FUT9: variants seen among roughly 807,000 people sequenced by gnomAD.
FUT9 encodes fucosyltransferase 9, also known as 4-galactosyl-N-acetylglucosaminide 3-alpha-L-fucosyltransferase 9.
Under a neutral mutation model 29.7 loss-of-function variants are expected in FUT9, and 15 were observed. The observed-to-expected ratio is 0.51, with a 90% CI of 0.34 to 0.78. The LOEUF is 0.78. Among genes scored for constraint, FUT9 ranks in the 30% least tolerant of loss-of-function variants. FUT9 has a pLI of 0.01. For synonymous variants in FUT9, 169 were observed against 153.7 expected, an observed-to-expected ratio of 1.10 and a Z score of -0.74; for missense variants, 319 against 425.4, an observed-to-expected ratio of 0.75 and a Z score of 2.20.
intron 1 of FUT9, chr6:96,037,080 G>T (rs527252967): frequency 6.6e-6 from 1 of 152,042 alleles, no homozygotes; most frequent in African/African-American, 2.4e-5. Flanking sequence ...TTATCCACAG[G>T]TTTTAGGATT....
chr6:96,073,019 G>T lies in FUT9; in HGVS notation c.-97-41020G>T, dbSNP rs1015461190. On this transcript the variant is annotated intron_variant, in intron 1 of 2. Transcript: ENST00000302103. The stretch of plus-strand genomic sequence containing the variant: ...TCCATCTAGCTGGAGAGATACACAT[G>T]AACAAACAATCAGAAAACAGAACAA... 3.9e-5 allele frequency among the ~76,000 whole-genome samples: 6 copies of T among 152,164 alleles called. 1 individual carries two copies. Among genetic ancestry groups the T allele is most frequent in the Non-Finnish European group, 8.8e-5 (6 of 68,028 alleles).
At chr6:96,136,302 GC>G (rs1262988541) in intron 2 of FUT9, among the ~76,000 whole-genome samples, 2 of 151,800 alleles carry the variant, frequency 1.3e-5, no homozygotes, top group Non-Finnish European at 2.9e-5. Context: ...TTAGCTTTGA[GC>G]ATGATATGTT....
chr6:96,088,153 T>C (rs1256033550), intron 1 of FUT9, among the ~76,000 whole-genome samples: 1 of 152,038 alleles, frequency 6.6e-6, no homozygotes, highest in Non-Finnish European at 1.5e-5. Flanking sequence ...GACAAGTTGA[T>C]GGATGCAGCA....
chr6:96,105,060 T>G (rs1771653396), intron 1 of FUT9, among the ~76,000 whole-genome samples: 1 of 152,204 alleles, frequency 6.6e-6, no homozygotes, highest in Non-Finnish European at 1.5e-5. Flanking sequence ...CTCACGCCTC[T>G]AAGGAATAAG....
At chr6:96,076,337 G>T (rs1422098482) in intron 1 of FUT9, among the ~76,000 whole-genome samples, 2 of 152,186 alleles carry the variant, frequency 1.3e-5, no homozygotes, top group Non-Finnish European at 2.9e-5. Context: ...AAGTTCACTT[G>T]ATAGACAGCC....
Position 96,214,619 on chromosome 6 carries a change from C to T in FUT9, c.*10384C>T, listed in dbSNP as rs1774001891. 6.0e-6 allele frequency: 1 copy of T among 166,814 alleles called. No homozygotes were observed. Among genetic ancestry groups the T allele is most frequent in the Non-Finnish European group, 1.5e-5 (1 of 68,026 alleles). 10.3% of individuals were successfully genotyped at this position (166,814 alleles called of 1,614,324 possible). A position where few individuals can be genotyped will look rare whatever the true frequency, so the allele number is the denominator to read the frequency against. ...TTTTCTCTTTTATTCAGAAAACATA[C>T]CTGTGCTTTTGAAAGGGCTTAATCC... is the stretch of plus-strand genomic sequence containing the variant. On this transcript the variant is annotated 3_prime_UTR_variant, in exon 3 of 3. Transcript: ENST00000302103.
intron 1 of FUT9, among the ~76,000 whole-genome samples, chr6:96,092,298 A>C (rs1488306832): frequency 6.6e-6 from 1 of 152,186 alleles, no homozygotes; most frequent in East Asian, 1.9e-4. Context: ...AGTCAATTGG[A>C]GAATGATACT....
At chr6:96,051,310 C>A (rs968495129) in intron 1 of FUT9, among the ~76,000 whole-genome samples, 3 of 151,864 alleles carry the variant, frequency 2.0e-5, no homozygotes, top group Non-Finnish European at 4.4e-5. Flanking sequence ...AAACTTGATT[C>A]TTGATAATAT....
chr6:96,090,174 AT>A, intron 1 of FUT9, among the ~76,000 whole-genome samples: 1 of 152,244 alleles, frequency 6.6e-6, no homozygotes, highest in Middle Eastern at 3.4e-3. Flanking sequence ...GATACATACA[AT>A]TTTTTGGGGG....
At chr6:96,072,479 C>G (rs1446724992) in intron 1 of FUT9, among the ~76,000 whole-genome samples, 4 of 152,140 alleles carry the variant, frequency 2.6e-5, no homozygotes, top group African/African-American at 9.6e-5. Flanking sequence ...TATATACTCA[C>G]TTGTCGGAAT....
chr6:96,084,172 A>T (rs914346538), intron 1 of FUT9, among the ~76,000 whole-genome samples: 4 of 152,078 alleles, frequency 2.6e-5, no homozygotes, highest in Admixed American at 2.6e-4. Flanking sequence ...GACTAAAGTG[A>T]CTTATCACAC....
rs946715249 is a variant in FUT9 at position 96,209,764 on chromosome 6, G to A, written c.*5529G>A. 5.4e-5 allele frequency: 9 copies of A among 166,626 alleles called. No homozygotes were observed. The highest frequency in any genetic ancestry group is 4.6e-4 in the Admixed American group (7 of 15,226). The allele number at this position is 166,626 out of a possible 1,614,324, so 10.3% of individuals were successfully genotyped here. ...ACCTCTCAAACACCAGTTGCTTTCT[G>A]TCAGTTTTACTCAAAGCATGCTTCC... On this transcript the variant is annotated 3_prime_UTR_variant, in exon 3 of 3. Coordinates refer to ENST00000302103, the MANE Select transcript of FUT9 (RefSeq NM_006581.4).
chr6:96,208,299 C>T lies in FUT9; in HGVS notation c.*4064C>T, dbSNP rs1773872508. On this transcript the variant is annotated 3_prime_UTR_variant, in exon 3 of 3. Transcript: ENST00000302103. ...TTTTTTTTTGCGTGAATTAAAGTTA[C>T]CACAAATTTCAGGTCCTTACCTTAT... 2 of 165,800 alleles carry T rather than the reference C, an allele frequency of 1.2e-5. No individual in the cohort carries two copies. The highest frequency in any genetic ancestry group is 3.9e-4 in the East Asian group (2 of 5,176). The allele number at this position is 165,800 out of a possible 1,614,324, so 10.3% of individuals were successfully genotyped here. A position where few individuals can be genotyped will look rare whatever the true frequency, so the allele number is the denominator to read the frequency against.
At chr6:96,059,270 C>G (rs560385573) in intron 1 of FUT9, among the ~76,000 whole-genome samples, 1 of 152,218 alleles carries the variant, frequency 6.6e-6, no homozygotes, top group East Asian at 1.9e-4. Flanking sequence ...GCTTGCAATC[C>G]TCCCCTAAAT....
At chr6:96,096,751 C>G (rs1771502630) in intron 1 of FUT9, among the ~76,000 whole-genome samples, 1 of 149,666 alleles carries the variant, frequency 6.7e-6, no homozygotes, top group African/African-American at 2.5e-5. Flanking sequence ...TTCCCAAGGC[C>G]TTTGCCTACT....
intron 1 of FUT9, among the ~76,000 whole-genome samples, chr6:96,093,484 T>C (rs1391510024): frequency 6.6e-6 from 1 of 152,110 alleles, no homozygotes; most frequent in African/African-American, 2.4e-5. Flanking sequence ...TTGAAGCATT[T>C]AAGACCAGAG....
intron 1 of FUT9, among the ~76,000 whole-genome samples, chr6:96,019,507 GCTTT>G (rs1209950402): frequency 2.6e-5 from 4 of 151,870 alleles, no homozygotes; most frequent in African/African-American, 9.7e-5. Context: ...TCATAATTTT[GCTTT>G]CTATCTTGCA....
chr6:96,028,730 A>G (rs1396763019), intron 1 of FUT9, among the ~76,000 whole-genome samples: 4 of 151,742 alleles, frequency 2.6e-5, no homozygotes, highest in Middle Eastern at 6.8e-3. Flanking sequence ...GATAATCAGC[A>G]ACTAGGAGAA....
chr6:96,127,846 A>G (rs943425698), intron 2 of FUT9, among the ~76,000 whole-genome samples: 1 of 151,988 alleles, frequency 6.6e-6, no homozygotes, highest in East Asian at 1.9e-4. Flanking sequence ...GTCTATGTTC[A>G]TGTCCTTTGC....
Sources: allele counts gnomAD v4.1 joint callset (sites outside exome capture counted in the v4.1 genomes callset), GRCh38; gene constraint gnomAD v4.1.1; transcripts MANE v1.5; gene names NCBI Gene and HGNC (gene_info 2026-07-23, HGNC 2026-07-21).